TMEM161B: variants seen among roughly 807,000 people sequenced by gnomAD.
TMEM161B encodes transmembrane protein 161B.
Under a neutral mutation model 61.8 loss-of-function variants are expected in TMEM161B, and 34 were observed. The observed-to-expected ratio is 0.55, with a 90% CI of 0.42 to 0.73. TMEM161B has a LOEUF of 0.73. Among genes scored for constraint, TMEM161B ranks in the 30% least tolerant of loss-of-function variants. TMEM161B has a pLI of 0.00. For synonymous variants in TMEM161B, 167 were observed against 192.8 expected (o/e 0.87, Z 1.11); for missense variants, 456 against 558.5 (o/e 0.82, Z 1.85).
chr5:88,225,872 A>G lies in TMEM161B; in HGVS notation c.192-6T>C. The G allele has an allele frequency of 6.3e-7, 1 of 1,579,550 alleles. No homozygotes were observed. Among genetic ancestry groups the G allele is most frequent in the Non-Finnish European group, 8.6e-7 (1 of 1,156,630 alleles). Reference sequence around the variant, plus strand: ...CAATGTGACCATTATATTTCCTATAAAAATCAGACAAGTGACACAAAAAAC... The same window carrying G: ...CAATGTGACCATTATATTTCCTATAGAAATCAGACAAGTGACACAAAAAAC... On this transcript the variant is annotated splice_polypyrimidine_tract_variant and splice_region_variant and intron_variant, in intron 3 of 11. Transcript: ENST00000296595.
chr5:88,229,681 A>G (rs1750657479), intron 2 of TMEM161B, among the ~76,000 whole-genome samples: 1 of 148,268 alleles, frequency 6.7e-6, no homozygotes, highest in South Asian at 2.2e-4. Context: ...CATATCTAGT[A>G]TGCTAGACCC....
chr5:88,261,986 A>T (rs920744159), intron 1 of TMEM161B, among the ~76,000 whole-genome samples: 8 of 152,180 alleles, frequency 5.3e-5, no homozygotes, highest in Non-Finnish European at 8.8e-5. Context: ...GGAAATGAGA[A>T]AACAAACCAG....
At chr5:88,245,364 G>T (rs1753448528) in intron 1 of TMEM161B, among the ~76,000 whole-genome samples, 1 of 151,774 alleles carries the variant, frequency 6.6e-6, no homozygotes, top group Non-Finnish European at 1.5e-5. Context: ...CCATTACAAA[G>T]AACTCTTTCA....
At chr5:88,267,047 T>C (rs962172567) in intron 1 of TMEM161B, among the ~76,000 whole-genome samples, 1 of 152,232 alleles carries the variant, frequency 6.6e-6, no homozygotes, top group Non-Finnish European at 1.5e-5. Context: ...GTGACTATGA[T>C]GAACTTAAGT....
chr5:88,227,280 A>G (rs371935275), intron 3 of TMEM161B, among the ~76,000 whole-genome samples: 3 of 152,316 alleles, frequency 2.0e-5, no homozygotes, highest in East Asian at 3.9e-4. Flanking sequence ...AAACTAACCT[A>G]GATTCAAATC....
In TMEM161B at chr5:88,221,397, G is replaced by A. The variant is rs1580485331; in HGVS notation, c.290-678C>T. ...GCCTGTAGTCCCAGCTACTTGGGAG[G>A]CCGAGGCAGGAGAATAGCTTGAACC... On this transcript the variant is annotated intron_variant, in intron 4 of 11. Transcript: ENST00000296595. The A allele has an allele frequency of 5.3e-5, 10 of 189,324 alleles. No individual in the cohort carries two copies. In the South Asian group the frequency reaches 1.0e-3, roughly 19 times the overall value. 11.7% of individuals were successfully genotyped at this position (189,324 alleles called of 1,614,324 possible). A position where few individuals can be genotyped will look rare whatever the true frequency, so the allele number is the denominator to read the frequency against.
chr5:88,217,187 T>A (rs1310749314), intron 5 of TMEM161B, among the ~76,000 whole-genome samples: 1 of 151,966 alleles, frequency 6.6e-6, no homozygotes, highest in African/African-American at 2.4e-5. Flanking sequence ...AGCTCAGGAG[T>A]TAGAGGCTGC....
At chr5:88,245,827 A>G (rs2112689090) in intron 1 of TMEM161B, among the ~76,000 whole-genome samples, 1 of 152,136 alleles carries the variant, frequency 6.6e-6, no homozygotes, top group Non-Finnish European at 1.5e-5. Flanking sequence ...AGGCAAAAAC[A>G]AACAAGCAAA....
chr5:88,224,503 T>C (rs1204914284), intron 4 of TMEM161B, among the ~76,000 whole-genome samples: 2 of 152,184 alleles, frequency 1.3e-5, no homozygotes, highest in Non-Finnish European at 1.5e-5. Context: ...CTATAATATA[T>C]AGGAGGAAAA....
chr5:88,200,260 T>C (rs1744135026), intron 9 of TMEM161B: 1 of 151,970 alleles, frequency 6.6e-6, no homozygotes, highest in African/African-American at 2.4e-5. Context: ...GACATGGACA[T>C]AAAATTTCAA....
chr5:88,208,011 T>C (rs1327854721), intron 5 of TMEM161B, among the ~76,000 whole-genome samples: 3 of 152,268 alleles, frequency 2.0e-5, no homozygotes, highest in African/African-American at 4.8e-5. Context: ...TTATTGCTAC[T>C]TTACAGACAT....
At chr5:88,264,686 C>G (rs1316345751) in intron 1 of TMEM161B, among the ~76,000 whole-genome samples, 1 of 152,060 alleles carries the variant, frequency 6.6e-6, no homozygotes, top group Non-Finnish European at 1.5e-5. Flanking sequence ...TGGAACCAAC[C>G]CAAATACACA....
chr5:88,219,766 A>G (rs1289275592), intron 5 of TMEM161B, among the ~76,000 whole-genome samples: 1 of 152,186 alleles, frequency 6.6e-6, no homozygotes, highest in Non-Finnish European at 1.5e-5. Context: ...AGATAATTCC[A>G]GGCAAGCAAG....
At chr5:88,232,679 T>C (rs1751198412) in intron 2 of TMEM161B, among the ~76,000 whole-genome samples, 1 of 152,174 alleles carries the variant, frequency 6.6e-6, no homozygotes, top group Non-Finnish European at 1.5e-5. Flanking sequence ...GTTCATGCCA[T>C]TCTCCTGCCT....
chr5:88,247,181 A>G (rs1047919790), intron 1 of TMEM161B, among the ~76,000 whole-genome samples: 1 of 152,094 alleles, frequency 6.6e-6, no homozygotes, highest in Non-Finnish European at 1.5e-5. Context: ...TTGGAAGGTT[A>G]CAAAAATTCT....
chr5:88,268,420 G>C (rs1021072696), intron 1 of TMEM161B, among the ~76,000 whole-genome samples: 2 of 152,182 alleles, frequency 1.3e-5, no homozygotes, highest in Non-Finnish European at 2.9e-5. Flanking sequence ...TCAACTCTGG[G>C]ATCACCTGGC....
At chr5:88,197,073 C>T (rs180996334) in intron 11 of TMEM161B, among the ~76,000 whole-genome samples, 2,853 of 152,168 alleles carry the variant, frequency 0.019, 73 homozygotes, top group African/African-American at 0.064. Context: ...GTCCATGAAG[C>T]TAAATAATGC....
Position 88,195,892 on chromosome 5 carries a change from G to A in TMEM161B, c.*319C>T. 1.9e-6 allele frequency: 2 copies of A among 1,072,758 alleles called. No homozygotes were observed. Among genetic ancestry groups the A allele is most frequent in the Non-Finnish European group, 2.3e-6 (2 of 885,700 alleles). 66.5% of individuals were successfully genotyped at this position (1,072,758 alleles called of 1,614,324 possible). A position where few individuals can be genotyped will look rare whatever the true frequency, so the allele number is the denominator to read the frequency against. ...ATCAATAACTAGAGTCATGTGAGAT[G>A]TTTCAAAGACTGCTGGAGGTTTCTG... On this transcript the variant is annotated 3_prime_UTR_variant, in exon 12 of 12. Coordinates refer to ENST00000296595, the MANE Select transcript of TMEM161B (RefSeq NM_153354.5).
Position 88,225,754 on chromosome 5 carries a change from C to T in TMEM161B, c.289+15G>A. The T allele has an allele frequency of 2.0e-6, 3 of 1,521,754 alleles. No homozygotes were observed. The highest frequency in any genetic ancestry group is 2.7e-6 in the Non-Finnish European group (3 of 1,106,734). 94.3% of individuals were successfully genotyped at this position (1,521,754 alleles called of 1,614,324 possible). On this transcript the variant is annotated intron_variant, in intron 4 of 11. Transcript: ENST00000296595. The stretch of plus-strand genomic sequence containing the variant: ...AACTGAGATTTATAGAACATTTTAT[C>T]AAGATTTCCCTTACCTAAAGTATCC...
Sources: allele counts gnomAD v4.1 joint callset (sites outside exome capture counted in the v4.1 genomes callset), GRCh38; gene constraint gnomAD v4.1.1; transcripts MANE v1.5; gene names NCBI Gene and HGNC (gene_info 2026-07-23, HGNC 2026-07-21).